FHIT: variants seen among roughly 807,000 people sequenced by gnomAD.
The protein encoded by FHIT is bis(5'-adenosyl)-triphosphatase.
A neutral mutation model predicts 17.9 loss-of-function variants in FHIT; 19 were observed. The observed-to-expected ratio is 1.06, with a 90% CI of 0.74 to 1.56. The LOEUF (loss-of-function observed/expected upper bound fraction) is 1.56. Among genes scored for constraint, FHIT ranks in the 40% most tolerant of loss-of-function variants. The pLI, the probability that FHIT is intolerant of heterozygous loss-of-function variation, is 0.00. For missense variants in FHIT, 248 were observed against 189.2 expected, an observed-to-expected ratio of 1.31 and a Z score of -1.82; for synonymous variants, 81 against 69.7, an observed-to-expected ratio of 1.16 and a Z score of -0.81.
chr3:61,176,489 T>C (rs1036555502), intron 2 of FHIT, among the ~76,000 whole-genome samples: 15 of 152,240 alleles, frequency 9.9e-5, no homozygotes, highest in African/African-American at 3.6e-4. Flanking sequence ...CAACAACTTA[T>C]GCAGAGAAGT....
At chr3:59,811,104 A>G (rs889378799) in intron 8 of FHIT, among the ~76,000 whole-genome samples, 26 of 152,218 alleles carry the variant, frequency 1.7e-4, no homozygotes, top group Admixed American at 1.4e-3. Context: ...GTGTGAAATG[A>G]GTTGTGCCCA....
At chr3:60,293,355 C>T (rs982522543) in intron 5 of FHIT, among the ~76,000 whole-genome samples, 10 of 151,878 alleles carry the variant, frequency 6.6e-5, no homozygotes, top group Non-Finnish European at 8.8e-5. Context: ...AGAATTTATA[C>T]GCTAGAAAAT....
chr3:59,838,677 G>T (rs1701422914), intron 8 of FHIT, among the ~76,000 whole-genome samples: 3 of 152,188 alleles, frequency 2.0e-5, no homozygotes, highest in South Asian at 2.1e-4. Flanking sequence ...TGATCCAGTT[G>T]TGTAACCCCT....
chr3:60,442,025 A>G (rs1250545896), intron 5 of FHIT, among the ~76,000 whole-genome samples: 1 of 150,326 alleles, frequency 6.7e-6, no homozygotes, highest in African/African-American at 2.4e-5. Context: ...TGCCTGACTA[A>G]TTTTTTTAAC....
At chr3:60,829,002 G>T (rs1449379971) in intron 3 of FHIT, among the ~76,000 whole-genome samples, 1 of 152,156 alleles carries the variant, frequency 6.6e-6, no homozygotes, top group African/African-American at 2.4e-5. Flanking sequence ...TGGAATGATG[G>T]CTTTCTTGAG....
rs534338244 is a variant in FHIT at position 60,763,254 on chromosome 3, C to T, written c.-18+58665G>A. On this transcript the variant is annotated intron_variant, in intron 4 of 9. Transcript: ENST00000492590. ...ATAGGGATCATTATCATGGTGGGCT[C>T]ACTGTCAATTCACGACTGTAAGTCT... Among the ~76,000 whole-genome samples, 21 of 152,232 alleles carry T rather than the reference C, an allele frequency of 1.4e-4. No individual in the cohort carries two copies. The South Asian group carries it at 4.2e-3, about 30-fold the overall frequency.
intron 3 of FHIT, among the ~76,000 whole-genome samples, chr3:60,889,726 A>C (rs1169937881): frequency 6.6e-6 from 1 of 152,228 alleles, no homozygotes; most frequent in Non-Finnish European, 1.5e-5. Flanking sequence ...TAGGCTCAAA[A>C]TAAATATTGA....
intron 8 of FHIT, among the ~76,000 whole-genome samples, chr3:59,791,915 C>T (rs1305367019): frequency 6.6e-6 from 1 of 152,156 alleles, no homozygotes; most frequent in Non-Finnish European, 1.5e-5. Context: ...CAAGGAGTAG[C>T]TTACGGCAGC....
At chr3:59,916,252 A>T (rs1277433350) in intron 8 of FHIT, among the ~76,000 whole-genome samples, 1 of 152,084 alleles carries the variant, frequency 6.6e-6, no homozygotes, top group African/African-American at 2.4e-5. Flanking sequence ...GCCCTCGAAC[A>T]TCGGACTCCA....
intron 4 of FHIT, among the ~76,000 whole-genome samples, chr3:60,698,385 T>C (rs1445967857): frequency 6.6e-6 from 1 of 152,158 alleles, no homozygotes; most frequent in Non-Finnish European, 1.5e-5. Flanking sequence ...AGTCATGACA[T>C]TTGGCTTCTA....
intron 8 of FHIT, among the ~76,000 whole-genome samples, chr3:59,782,536 GCT>G (rs1702639230): frequency 6.6e-6 from 1 of 151,868 alleles, no homozygotes; most frequent in African/African-American, 2.4e-5. Flanking sequence ...CCTCAGCCCC[GCT>G]CTCTCAGTAT....
At chr3:60,407,378 G>C (rs1701905901) in intron 5 of FHIT, among the ~76,000 whole-genome samples, 1 of 152,016 alleles carries the variant, frequency 6.6e-6, no homozygotes. Context: ...CAAAAGATAA[G>C]TAATTGAATC....
chr3:60,851,675 T>G (rs1575597443), intron 3 of FHIT, among the ~76,000 whole-genome samples: 1 of 152,214 alleles, frequency 6.6e-6, no homozygotes, highest in African/African-American at 2.4e-5. Flanking sequence ...AAACAAAAGA[T>G]GCCAGCCCCA....
chr3:60,369,648 T>G (rs895585584), intron 5 of FHIT, among the ~76,000 whole-genome samples: 1 of 152,202 alleles, frequency 6.6e-6, no homozygotes, highest in African/African-American at 2.4e-5. Flanking sequence ...CATTTTAGAT[T>G]GTGATTCTCC....
At chr3:60,986,356 T>C (rs1331653018) in intron 3 of FHIT, among the ~76,000 whole-genome samples, 1 of 152,210 alleles carries the variant, frequency 6.6e-6, no homozygotes, top group South Asian at 2.1e-4. Context: ...CTGGAATAGA[T>C]CTTGGCCTTT....
rs111572643 is a variant in FHIT, at chr3:59,760,946, C to T, written c.349-8625G>A. Among the ~76,000 whole-genome samples the T allele has an allele frequency of 9.1e-4, 139 of 152,148 alleles. 1 individual carries two copies. The highest frequency in any genetic ancestry group is 2.8e-3 in the African/African-American group (118 of 41,518). ...CAGCCACTTCCGCCTCCTAAAGTGC[C>T]GGGGTTATAGGCATGCACCACTGTG... On this transcript the variant is annotated intron_variant, in intron 8 of 9. Transcript: ENST00000492590.
intron 8 of FHIT, among the ~76,000 whole-genome samples, chr3:59,855,588 TAGA>T (rs1702121793): frequency 6.6e-6 from 1 of 152,092 alleles, no homozygotes; most frequent in African/African-American, 2.4e-5. Flanking sequence ...GTACTTATAA[TAGA>T]AGATAGCCTC....
At chr3:60,965,909 C>T (rs1709715480) in intron 3 of FHIT, among the ~76,000 whole-genome samples, 1 of 152,218 alleles carries the variant, frequency 6.6e-6, no homozygotes, top group Non-Finnish European at 1.5e-5. Flanking sequence ...AGGAGGCATT[C>T]TGTCCGTTCT....
chr3:60,205,467 A>G (rs530414954), intron 5 of FHIT, among the ~76,000 whole-genome samples: 18 of 152,314 alleles, frequency 1.2e-4, no homozygotes, highest in African/African-American at 4.3e-4. Flanking sequence ...ACTGGGGTGG[A>G]AAGATAAAGG....
Sources: allele counts gnomAD v4.1 joint callset (sites outside exome capture counted in the v4.1 genomes callset), GRCh38; gene constraint gnomAD v4.1.1; transcripts MANE v1.5; gene names NCBI Gene and HGNC (gene_info 2026-07-23, HGNC 2026-07-21).